Variants in LIPI observed in about 807,000 individuals in gnomAD.
LIPI encodes lipase I.
LIPI carries 59 observed loss-of-function variants against 50.6 expected under a neutral mutation model. The ratio of observed to expected loss-of-function variants is 1.16; its 90% confidence interval spans 0.94 to 1.45. LIPI has a LOEUF of 1.45. Among genes scored for constraint, LIPI ranks in the 40% most tolerant of loss-of-function variants. LIPI has a pLI of 0.00. For missense variants in LIPI, 586 were observed against 536.3 expected, an observed-to-expected ratio of 1.09 and a Z score of -0.92; for synonymous variants, 203 against 178.2, an observed-to-expected ratio of 1.14 and a Z score of -1.11.
At position 14,123,583 on chromosome 21, in the gene LIPI, G is replaced by T. The variant is rs9977585; in HGVS notation, c.1296-14503C>A. ...AAACATCTTTACTCAGATAAGTACT[G>T]TAGAAAAGATAAACACAAACATAAA... is the stretch of plus-strand genomic sequence containing the variant. On this transcript the variant is annotated intron_variant, in intron 9 of 9. Coordinates refer to ENST00000681601, the MANE Select transcript of LIPI (RefSeq NM_001302998.2). Among the ~76,000 whole-genome samples the T allele has an allele frequency of 8.3e-3, 1,259 of 152,272 alleles. 22 individuals are homozygous for T. The highest frequency in any genetic ancestry group is 0.028 in the African/African-American group (1,163 of 41,566).
intron 7 of LIPI, among the ~76,000 whole-genome samples, chr21:14,160,831 G>T (rs561894160): frequency 1.3e-4 from 20 of 151,112 alleles, no homozygotes; most frequent in South Asian, 1.2e-3. Flanking sequence ...ATATCCAAAA[G>T]ACACGAATAC....
At chr21:14,206,674 G>T in intron 1 of LIPI, 1 of 601,938 alleles carries the variant, frequency 1.7e-6, no homozygotes, top group Non-Finnish European at 2.9e-6. Context: ...AAAAAAAACG[G>T]ATTTGTTAAC....
chr21:14,174,746 G>T (rs1383183425), intron 4 of LIPI, among the ~76,000 whole-genome samples: 3 of 151,996 alleles, frequency 2.0e-5, no homozygotes, highest in Non-Finnish European at 4.4e-5. Context: ...GCAGAGATGG[G>T]CTTTCACCAT....
intron 9 of LIPI, among the ~76,000 whole-genome samples, chr21:14,133,993 A>C (rs2017395156): frequency 6.6e-6 from 1 of 152,172 alleles, no homozygotes; most frequent in South Asian, 2.1e-4. Context: ...TGGGAGGCTG[A>C]AGCTGGAGGA....
At chr21:14,123,791 C>T (rs2016949324) in intron 9 of LIPI, among the ~76,000 whole-genome samples, 1 of 152,014 alleles carries the variant, frequency 6.6e-6, no homozygotes, top group Non-Finnish European at 1.5e-5. Flanking sequence ...TAAGACAGCT[C>T]GAGCCGTGGA....
At chr21:14,195,417 T>C (rs1338785089) in intron 1 of LIPI, among the ~76,000 whole-genome samples, 1 of 152,144 alleles carries the variant, frequency 6.6e-6, no homozygotes, top group Non-Finnish European at 1.5e-5. Flanking sequence ...CCCAGAATGG[T>C]CAGACTTTAG....
At chr21:14,193,595 GC>G (rs976440669) in intron 1 of LIPI, among the ~76,000 whole-genome samples, 15 of 152,056 alleles carry the variant, frequency 9.9e-5, no homozygotes, top group Admixed American at 9.8e-4. Flanking sequence ...CAGAAATGCT[GC>G]ACTAACATCA....
At position 14,161,820 on chromosome 21, in the gene LIPI, A is replaced by T. The variant is rs1367630502; in HGVS notation, c.1006+1599T>A. ...TTATATATTAATGTATAATATATAC[A>T]AATATATATTAATATATAATATATA... On this transcript the variant is annotated intron_variant, in intron 7 of 9. Transcript: ENST00000681601. Among the ~76,000 whole-genome samples, 59 of 13,184 alleles carry T rather than the reference A, an allele frequency of 4.5e-3. 16 individuals carry two copies. The highest frequency in any genetic ancestry group is 0.023 in the African/African-American group (59 of 2,570). The allele number at this position is 13,184 out of a possible 152,430, so 8.6% of individuals were successfully genotyped here.
intron 3 of LIPI, among the ~76,000 whole-genome samples, chr21:14,183,129 A>G (rs200444072): frequency 3.3e-3 from 418 of 128,444 alleles, no homozygotes; most frequent in South Asian, 5.3e-3. Flanking sequence ...AAACAGAGAA[A>G]TAGACCAATG....
intron 9 of LIPI, 94 bp from the exon 10 acceptor site, chr21:14,109,174 G>C: frequency 3.2e-6 from 3 of 934,582 alleles, no homozygotes; most frequent in Non-Finnish European, 5.2e-6. Context: ...AATAGTCCAT[G>C]CCTGTAACTA....
chr21:14,204,999 G>C (rs1473996200), intron 1 of LIPI, among the ~76,000 whole-genome samples: 1 of 151,322 alleles, frequency 6.6e-6, no homozygotes, highest in Non-Finnish European at 1.5e-5. Flanking sequence ...TATAAGGTAG[G>C]AAAGGAACTA....
chr21:14,177,703 C>T (rs2019143222), intron 4 of LIPI, among the ~76,000 whole-genome samples: 1 of 151,990 alleles, frequency 6.6e-6, no homozygotes, highest in African/African-American at 2.4e-5. Flanking sequence ...ATTTATCACC[C>T]AAAATCATAT....
chr21:14,127,294 T>C (rs1407573604), intron 9 of LIPI, among the ~76,000 whole-genome samples: 1 of 152,232 alleles, frequency 6.6e-6, no homozygotes, highest in Non-Finnish European at 1.5e-5. Flanking sequence ...CAGATCTAAA[T>C]AGGAAAAGCA....
chr21:14,201,023 C>T (rs776998982), intron 1 of LIPI, among the ~76,000 whole-genome samples: 15 of 151,746 alleles, frequency 9.9e-5, no homozygotes, highest in Non-Finnish European at 1.9e-4. Context: ...GATTCCCTGT[C>T]GAATAAGTGG....
At chr21:14,190,742 T>C (rs377641571) in intron 1 of LIPI, among the ~76,000 whole-genome samples, 13 of 152,286 alleles carry the variant, frequency 8.5e-5, no homozygotes, top group East Asian at 5.8e-4. Context: ...GAGAAATATA[T>C]TGAAACACAA....
At chr21:14,138,200 A>AC (rs377605458) in intron 9 of LIPI, among the ~76,000 whole-genome samples, 25,289 of 151,966 alleles carry the variant, frequency 0.17, 2,290 homozygotes, top group South Asian at 0.23. Flanking sequence ...CTAAACATAG[A>AC]TAAAAAATAA....
chr21:14,136,991 C>A (rs1301848013), intron 9 of LIPI, among the ~76,000 whole-genome samples: 1 of 152,074 alleles, frequency 6.6e-6, no homozygotes, highest in Non-Finnish European at 1.5e-5. Flanking sequence ...CTCTATGAGT[C>A]TCCAAGAACC....
chr21:14,174,137 A>G (rs1425065721), intron 4 of LIPI, among the ~76,000 whole-genome samples: 1 of 152,158 alleles, frequency 6.6e-6, no homozygotes, highest in African/African-American at 2.4e-5. Flanking sequence ...AGGAGACTCA[A>G]ACCAACAGGA....
intron 1 of LIPI, among the ~76,000 whole-genome samples, chr21:14,201,949 C>A (rs1430243028): frequency 6.6e-6 from 1 of 152,144 alleles, no homozygotes; most frequent in African/African-American, 2.4e-5. Context: ...ATTGTCTCAG[C>A]CCAAAATCTC....
Sources: gnomAD v4.1 joint callset for allele counts (sites outside exome capture counted in the v4.1 genomes callset) on GRCh38, gnomAD v4.1.1 for gene constraint, MANE v1.5 for transcripts, NCBI Gene and HGNC (gene_info 2026-07-23, HGNC 2026-07-21) for gene names.